Variants in GABRG3 observed in about 807,000 individuals in gnomAD.
GABRG3 encodes gamma-aminobutyric acid type A receptor subunit gamma3, also known as gamma-aminobutyric acid receptor subunit gamma-3.
GABRG3 carries 25 observed loss-of-function variants against 48.8 expected under a neutral mutation model. The ratio of observed to expected loss-of-function variants is 0.51; its 90% CI spans 0.37 to 0.72. The LOEUF is 0.72. Ranked by LOEUF, GABRG3 falls within the 30% of genes least tolerant of loss-of-function variation. The pLI, the probability that GABRG3 is intolerant of heterozygous loss-of-function variation, is 0.00. For missense variants in GABRG3, 394 were observed against 577.9 expected, an observed-to-expected ratio of 0.68 and a Z score of 3.26; for synonymous variants, 227 against 217.6, an observed-to-expected ratio of 1.04 and a Z score of -0.38.
intron 3 of GABRG3, among the ~76,000 whole-genome samples, chr15:27,038,934 A>G (rs17671508): frequency 0.11 from 17,484 of 152,230 alleles, 1,576 homozygotes; most frequent in East Asian, 0.41. Flanking sequence ...GCCATGAGCA[A>G]GGTGGCGCCT....
At chr15:27,333,360 G>C (rs1025407239) in intron 5 of GABRG3, among the ~76,000 whole-genome samples, 4 of 152,166 alleles carry the variant, frequency 2.6e-5, no homozygotes, top group Non-Finnish European at 5.9e-5. Flanking sequence ...CTCTGGGGGA[G>C]AATCTGTGCC....
At chr15:27,375,419 A>T (rs537825206) in intron 5 of GABRG3, among the ~76,000 whole-genome samples, 1 of 152,252 alleles carries the variant, frequency 6.6e-6, no homozygotes, top group African/African-American at 2.4e-5. Context: ...ACTTTGGGCT[A>T]TTGGTTGATA....
intron 5 of GABRG3, among the ~76,000 whole-genome samples, chr15:27,340,213 G>A (rs1894122466): frequency 6.6e-6 from 1 of 152,174 alleles, no homozygotes; most frequent in Admixed American, 6.5e-5. Context: ...CCATGGGAGT[G>A]TTGTGGCTAC....
chr15:27,296,303 A>G (rs955012366), intron 3 of GABRG3, among the ~76,000 whole-genome samples: 10 of 152,234 alleles, frequency 6.6e-5, no homozygotes, highest in Non-Finnish European at 1.5e-4. Flanking sequence ...AAGAAGTTGC[A>G]TAAACAATAT....
At chr15:27,437,867 T>G (rs932499566) in intron 5 of GABRG3, among the ~76,000 whole-genome samples, 2 of 152,252 alleles carry the variant, frequency 1.3e-5, no homozygotes, top group African/African-American at 4.8e-5. Context: ...GAGGGGTCCA[T>G]GTGTGCAGAG....
intron 6 of GABRG3, among the ~76,000 whole-genome samples, chr15:27,510,447 T>C (rs1595801403): frequency 6.6e-6 from 1 of 152,180 alleles, no homozygotes; most frequent in African/African-American, 2.4e-5. Flanking sequence ...TTTGTTGCCC[T>C]TCCCCCTGTG....
intron 3 of GABRG3, among the ~76,000 whole-genome samples, chr15:27,033,556 A>G (rs998884525): frequency 6.6e-6 from 1 of 152,234 alleles, no homozygotes. Flanking sequence ...AGGATTTTCT[A>G]GGGTCCATTG....
At chr15:27,072,994 CAACA>C (rs773250884) in intron 3 of GABRG3, among the ~76,000 whole-genome samples, 35 of 152,302 alleles carry the variant, frequency 2.3e-4, no homozygotes, top group South Asian at 6.2e-4. Flanking sequence ...ACCAAACTAG[CAACA>C]AACAAACAAA....
Position 27,188,240 on chromosome 15 carries a change from C to T in GABRG3, c.271-138569C>T, listed in dbSNP as rs1250473818. ...TGATTTATAGTCCTTTGAGTATATACCCAGTAATGGGATGGCTGGGTCAAA... is the reference window on the plus strand; with the variant it reads ...TGATTTATAGTCCTTTGAGTATATATCCAGTAATGGGATGGCTGGGTCAAA... On this transcript the variant is annotated intron_variant, in intron 3 of 9. Coordinates refer to ENST00000615808, the MANE Select transcript of GABRG3 (RefSeq NM_033223.5). Among the ~76,000 whole-genome samples, 4 of 152,214 alleles carry T rather than the reference C, an allele frequency of 2.6e-5. No homozygotes were observed. In the East Asian group the frequency reaches 5.8e-4, roughly 22 times the overall value.
intron 3 of GABRG3, among the ~76,000 whole-genome samples, chr15:27,051,021 A>C (rs900885178): frequency 1.3e-5 from 2 of 152,242 alleles, no homozygotes; most frequent in Non-Finnish European, 2.9e-5. Flanking sequence ...GCTGTAGCAC[A>C]TAAAAGTCAT....
At chr15:27,060,480 G>T (rs1206394068) in intron 3 of GABRG3, among the ~76,000 whole-genome samples, 2 of 152,228 alleles carry the variant, frequency 1.3e-5, no homozygotes, top group African/African-American at 2.4e-5. Flanking sequence ...ATCCCTGCTT[G>T]TAAGGACTCA....
intron 3 of GABRG3, among the ~76,000 whole-genome samples, chr15:27,197,031 G>T (rs187559574): frequency 3.3e-5 from 5 of 152,174 alleles, no homozygotes; most frequent in African/African-American, 1.2e-4. Flanking sequence ...ACTCTGCAAC[G>T]TTAAAAGCAC....
chr15:27,464,161 T>C (rs765852164), intron 5 of GABRG3, among the ~76,000 whole-genome samples: 3 of 152,138 alleles, frequency 2.0e-5, no homozygotes, highest in Non-Finnish European at 4.4e-5. Context: ...AGTTCAGTGG[T>C]GTTTAGTATA....
In GABRG3 at chr15:27,352,951, G is replaced by A. The variant is rs970787834; in HGVS notation, c.574+24063G>A. Reference sequence around the variant, plus strand: ...ATGAGCCATTGAAAGCGAGTGGATCGTTTGATGGTTGGGTGTTAGGTATTT... The same window carrying A: ...ATGAGCCATTGAAAGCGAGTGGATCATTTGATGGTTGGGTGTTAGGTATTT... On this transcript the variant is annotated intron_variant, in intron 5 of 9. Transcript: ENST00000615808. The surrounding 1 kb of genome is among the most constrained non-coding windows in gnomAD (Gnocchi z 4.0). Among the ~76,000 whole-genome samples, 69 of 152,158 alleles carry A rather than the reference G, an allele frequency of 4.5e-4. No homozygotes were observed. The highest frequency in any genetic ancestry group is 1.5e-3 in the African/African-American group (63 of 41,412).
At chr15:27,074,018 G>A (rs150858440) in intron 3 of GABRG3, among the ~76,000 whole-genome samples, 2 of 152,182 alleles carry the variant, frequency 1.3e-5, no homozygotes, top group Non-Finnish European at 2.9e-5. Flanking sequence ...ATGGTGGAAG[G>A]CAGGGAGGAG....
At chr15:27,194,913 C>T (rs918647603) in intron 3 of GABRG3, among the ~76,000 whole-genome samples, 3 of 152,074 alleles carry the variant, frequency 2.0e-5, no homozygotes, top group Non-Finnish European at 2.9e-5. Context: ...TTGAAATTGT[C>T]GTACTAGTTC....
chr15:27,050,167 T>G (rs1037055054), intron 3 of GABRG3, among the ~76,000 whole-genome samples: 1 of 152,188 alleles, frequency 6.6e-6, no homozygotes, highest in East Asian at 1.9e-4. Context: ...ATATTGGGCA[T>G]GGACTGAGAT....
intron 5 of GABRG3, among the ~76,000 whole-genome samples, chr15:27,465,034 C>A (rs1408427434): frequency 1.3e-5 from 2 of 152,164 alleles, no homozygotes; most frequent in Non-Finnish European, 2.9e-5. Context: ...ACTACCAAGG[C>A]AGTAAACCTC....
At chr15:27,182,445 A>AT (rs1162750477) in intron 3 of GABRG3, among the ~76,000 whole-genome samples, 1 of 152,186 alleles carries the variant, frequency 6.6e-6, no homozygotes, top group African/African-American at 2.4e-5. Context: ...GGGCTGTATG[A>AT]TTTTTGTAAA....
Sources: gnomAD v4.1 joint callset for allele counts (sites outside exome capture counted in the v4.1 genomes callset) on GRCh38, gnomAD v4.1.1 for gene constraint, Gnocchi (gnomAD v3.1) non-coding constraint, MANE v1.5 for transcripts, NCBI Gene and HGNC (gene_info 2026-07-23, HGNC 2026-07-21) for gene names.